Variants in KAZN observed in about 807,000 individuals in gnomAD.
KAZN encodes kazrin.
In KAZN, 40 loss-of-function variants were observed where a neutral mutation model predicts 87.4. That is an observed-to-expected ratio of 0.46 (90% CI 0.36 to 0.60). KAZN has a LOEUF of 0.60. Ranked by LOEUF, KAZN falls within the 20% of genes least tolerant of loss-of-function variation. KAZN has a pLI of 0.00. For synonymous variants in KAZN, 466 were observed against 458.3 expected (o/e 1.02, Z -0.22); for missense variants, 898 against 1,073.9 (o/e 0.84, Z 2.29).
At chr1:14,991,089 G>A (rs1343687931) in intron 2 of KAZN, among the ~76,000 whole-genome samples, 1 of 151,768 alleles carries the variant, frequency 6.6e-6, no homozygotes, top group Non-Finnish European at 1.5e-5. Context: ...GCAGAGGCTC[G>A]TGCCTGTAAT....
intron 1 of KAZN, among the ~76,000 whole-genome samples, chr1:14,046,916 C>A (rs189253210): frequency 2.0e-4 from 31 of 152,308 alleles, no homozygotes; most frequent in Admixed American, 1.7e-3. Flanking sequence ...GAGGGACAAT[C>A]GGAAGGCAAT....
chr1:14,642,794 T>C (rs1680504724), intron 1 of KAZN, among the ~76,000 whole-genome samples: 1 of 152,118 alleles, frequency 6.6e-6, no homozygotes, highest in East Asian at 1.9e-4. Flanking sequence ...CTGTATCCCC[T>C]GAAAAAGAAC....
intron 2 of KAZN, among the ~76,000 whole-genome samples, chr1:14,416,051 G>A (rs1429178823): frequency 6.6e-6 from 1 of 152,130 alleles, no homozygotes; most frequent in African/African-American, 2.4e-5. Flanking sequence ...CTGCTGAAGA[G>A]TTTGCAGAAA....
intron 1 of KAZN, among the ~76,000 whole-genome samples, chr1:14,158,919 A>T (rs1645651744): frequency 6.6e-6 from 1 of 152,022 alleles, no homozygotes; most frequent in Admixed American, 6.6e-5. Context: ...TACCAGAGAG[A>T]CATTCTTTTT....
chr1:14,170,732 T>C (rs1324184868), intron 1 of KAZN, among the ~76,000 whole-genome samples: 1 of 148,524 alleles, frequency 6.7e-6, no homozygotes, highest in Non-Finnish European at 1.5e-5. Flanking sequence ...GTAATTATTT[T>C]TTTTTCTGAG....
chr1:14,045,723 C>A (rs1207619909), intron 1 of KAZN, among the ~76,000 whole-genome samples: 1 of 152,130 alleles, frequency 6.6e-6, no homozygotes, highest in Non-Finnish European at 1.5e-5. Flanking sequence ...TATTACTGAG[C>A]CTTAGTTTCC....
At chr1:14,083,103 C>T (rs1356521679) in intron 1 of KAZN, among the ~76,000 whole-genome samples, 7 of 152,094 alleles carry the variant, frequency 4.6e-5, no homozygotes, top group Non-Finnish European at 1.0e-4. Context: ...TCCCTGCCAC[C>T]TCTTCAGACA....
At chr1:14,412,683 T>C (rs1664402442) in intron 2 of KAZN, among the ~76,000 whole-genome samples, 1 of 151,936 alleles carries the variant, frequency 6.6e-6, no homozygotes, top group Admixed American at 6.6e-5. Context: ...GAATCAATAT[T>C]ATAAAATGAA....
chr1:13,990,195 A>G (rs1639213542), intron 1 of KAZN, among the ~76,000 whole-genome samples: 1 of 152,198 alleles, frequency 6.6e-6, no homozygotes, highest in Non-Finnish European at 1.5e-5. Flanking sequence ...GAGAAATGAA[A>G]ACACACATCT....
intron 2 of KAZN, among the ~76,000 whole-genome samples, chr1:14,394,822 A>T (rs1194513738): frequency 6.6e-6 from 1 of 152,190 alleles, no homozygotes; most frequent in East Asian, 1.9e-4. Context: ...TTCCTCTCTT[A>T]CAGATATGGG....
At chr1:13,932,661 A>C (rs142335435) in intron 1 of KAZN, among the ~76,000 whole-genome samples, 2,334 of 152,336 alleles carry the variant, frequency 0.015, 89 homozygotes, top group Admixed American at 0.092. Context: ...CCTGGAGGGC[A>C]TGAGATAGTT....
intron 2 of KAZN, among the ~76,000 whole-genome samples, chr1:14,265,110 A>T (rs1372187181): frequency 6.6e-6 from 1 of 152,218 alleles, no homozygotes; most frequent in Non-Finnish European, 1.5e-5. Flanking sequence ...CATAACTAGC[A>T]CAAAGTTGAA....
intron 2 of KAZN, among the ~76,000 whole-genome samples, chr1:14,301,587 T>A (rs773300452): frequency 2.6e-5 from 4 of 152,202 alleles, no homozygotes; most frequent in Non-Finnish European, 5.9e-5. Flanking sequence ...GCTCTGCCTG[T>A]TGGGAAATTT....
intron 2 of KAZN, among the ~76,000 whole-genome samples, chr1:14,587,449 A>AG (rs370814992): frequency 1.5e-4 from 15 of 99,232 alleles, no homozygotes; most frequent in African/African-American, 5.1e-4. Context: ...AAAAAAAAGA[A>AG]AAAAAAAAAA....
In KAZN at chr1:14,945,946, C is replaced by T. The variant is rs551627533; in HGVS notation, c.227-14738C>T. ...ATCAGCAGCTGTCTGCCAGTGTTGA[C>T]GGAGGGCTCATGGGTGCCAGGCCGC... On this transcript the variant is annotated intron_variant, in intron 1 of 14. Coordinates refer to ENST00000376030, the MANE Select transcript of KAZN (RefSeq NM_201628.3). The T allele has an allele frequency of 8.3e-4, 816 of 984,850 alleles. 7 individuals are homozygous for T. The South Asian group carries it at 0.019, about 23-fold the overall frequency. 61.0% of individuals were successfully genotyped at this position (984,850 alleles called of 1,614,324 possible).
chr1:14,501,470 C>T (rs931780105), intron 2 of KAZN, among the ~76,000 whole-genome samples: 1 of 152,074 alleles, frequency 6.6e-6, no homozygotes, highest in Non-Finnish European at 1.5e-5. Flanking sequence ...ATGTAAGATA[C>T]AAAATCAATT....
At chr1:14,084,523 A>G (rs1643791794) in intron 1 of KAZN, among the ~76,000 whole-genome samples, 1 of 152,134 alleles carries the variant, frequency 6.6e-6, no homozygotes, top group Non-Finnish European at 1.5e-5. Flanking sequence ...ATTAAAAATC[A>G]ATCATTTCCT....
chr1:13,927,267 A>G (rs1017885064), intron 1 of KAZN, among the ~76,000 whole-genome samples: 1 of 152,184 alleles, frequency 6.6e-6, no homozygotes, highest in African/African-American at 2.4e-5. Context: ...GAGAAGAAAG[A>G]CACTGAGGAA....
rs60838104 is a variant in KAZN at position 14,030,635 on chromosome 1, T to TACACAC, written c.91+136916_91+136921dup. Among the ~76,000 whole-genome samples, 1,165 of 145,098 alleles carry TACACAC rather than the reference T, an allele frequency of 8.0e-3. 18 individuals are homozygous for TACACAC. Among genetic ancestry groups the TACACAC allele is most frequent in the African/African-American group, 0.026 (1,002 of 38,860 alleles). On this transcript the variant is annotated intron_variant, in intron 1 of 16. Transcript: ENST00000636203. ...AGAAAAAATTGGCAATGTACACAGA[T>TACACAC]ACACACACACACACACACACACACA...
Sources: gnomAD v4.1 joint callset for allele counts (sites outside exome capture counted in the v4.1 genomes callset) on GRCh38, gnomAD v4.1.1 for gene constraint, MANE v1.5 for transcripts, NCBI Gene and HGNC (gene_info 2026-07-23, HGNC 2026-07-21) for gene names.